TUSC3: variants seen among roughly 807,000 people sequenced by gnomAD.
TUSC3 encodes tumor suppressor candidate 3.
Under a neutral mutation model 44.8 loss-of-function variants are expected in TUSC3, and 45 were observed. That is an observed-to-expected ratio of 1.00 (90% CI 0.79 to 1.29). The LOEUF is 1.29. Ranked by LOEUF, TUSC3 falls within the 50% of genes most tolerant of loss-of-function variation. The pLI is 0.00. For missense variants in TUSC3, 519 were observed against 437.9 expected, an observed-to-expected ratio of 1.19 and a Z score of -1.65; for synonymous variants, 212 against 152.9, an observed-to-expected ratio of 1.39 and a Z score of -2.85.
the TUSC3 span, among the ~76,000 whole-genome samples, chr8:15,834,788 A>G: frequency 2.6e-5 from 4 of 152,282 alleles, no homozygotes; most frequent in African/African-American, 9.6e-5. Context: ...TTTGTATGCT[A>G]CCATTTACAT....
rs529855772 is a variant in TUSC3, at chr8:15,451,050, C to T, written n.92-32336C>T. Among the ~76,000 whole-genome samples, 20 of 152,238 alleles carry T rather than the reference C, an allele frequency of 1.3e-4. No homozygotes were observed. In the East Asian group the frequency reaches 3.9e-3, roughly 30 times the overall value. On this transcript the variant is annotated intron_variant and non_coding_transcript_variant, in intron 1 of 5. Transcript: ENST00000503191. The stretch of plus-strand genomic sequence containing the variant: ...CTTCACAAACCTTTTTCCTGAACAT[C>T]ACTAGCTTTGGGTTCAAAATCTAAT...
rs571870667 is a variant in TUSC3 at position 15,582,614 on chromosome 8, C to A, written c.139-40466C>A. Among the ~76,000 whole-genome samples, 14 of 152,314 alleles carry A rather than the reference C, an allele frequency of 9.2e-5. No homozygotes were observed. The East Asian group carries it at 2.7e-3, about 29-fold the overall frequency. On this transcript the variant is annotated intron_variant, in intron 1 of 10. Coordinates refer to ENST00000503731, the MANE Select transcript of TUSC3 (RefSeq NM_006765.4). ...CATACAAATTGGGTCAATCTTGGCA[C>A]ACCCAGCTAAAACAGAGTCAAGAGG...
At chr8:15,822,147 G>T in the TUSC3 span, among the ~76,000 whole-genome samples, 5 of 151,756 alleles carry the variant, frequency 3.3e-5, no homozygotes, top group African/African-American at 1.2e-4. Flanking sequence ...AGGAAGGAAG[G>T]TTTAGTCATT....
chr8:15,616,899 C>T (rs1805009289), intron 1 of TUSC3, among the ~76,000 whole-genome samples: 1 of 152,068 alleles, frequency 6.6e-6, no homozygotes. Context: ...CTGCAGTTGG[C>T]ACAGAATCTG....
At chr8:15,462,885 T>A (rs1800364715) in intron 1 of TUSC3, among the ~76,000 whole-genome samples, 1 of 152,104 alleles carries the variant, frequency 6.6e-6, no homozygotes, top group African/African-American at 2.4e-5. Flanking sequence ...GAGAATTTAC[T>A]CTTTTATAGC....
At chr8:15,641,996 C>T (rs1055589786) in intron 2 of TUSC3, among the ~76,000 whole-genome samples, 1 of 152,164 alleles carries the variant, frequency 6.6e-6, no homozygotes, top group Admixed American at 6.5e-5. Flanking sequence ...AAATTGTACC[C>T]ATTATATACA....
intron 1 of TUSC3, among the ~76,000 whole-genome samples, chr8:15,620,767 G>A (rs1449607949): frequency 6.6e-6 from 1 of 152,114 alleles, no homozygotes; most frequent in Non-Finnish European, 1.5e-5. Context: ...GGGAAGCATG[G>A]GAAATAGGAG....
intron 1 of TUSC3, among the ~76,000 whole-genome samples, chr8:15,556,465 C>A (rs573743786): frequency 6.6e-6 from 1 of 151,456 alleles, no homozygotes; most frequent in Non-Finnish European, 1.5e-5. Flanking sequence ...AGTAAACATA[C>A]GTGTGCATGT....
At chr8:15,824,829 G>C in the TUSC3 span, among the ~76,000 whole-genome samples, 3 of 152,158 alleles carry the variant, frequency 2.0e-5, no homozygotes, top group Middle Eastern at 3.4e-3. Context: ...ACAAATTTAA[G>C]CCAACCTGTC....
intron 5 of TUSC3, among the ~76,000 whole-genome samples, chr8:15,667,723 A>G (rs1325835139): frequency 6.6e-6 from 1 of 151,746 alleles, no homozygotes; most frequent in Non-Finnish European, 1.5e-5. Flanking sequence ...AATCTATGAA[A>G]TAATTATGAA....
the TUSC3 span, among the ~76,000 whole-genome samples, chr8:15,845,665 G>T: frequency 2.6e-5 from 4 of 152,122 alleles, no homozygotes; most frequent in African/African-American, 4.8e-5. Flanking sequence ...TTATTTGCAG[G>T]GTGGGGGCAG....
At chr8:15,419,547 T>C (rs1017314739) in intron 1 of TUSC3, among the ~76,000 whole-genome samples, 1 of 152,166 alleles carries the variant, frequency 6.6e-6, no homozygotes, top group African/African-American at 2.4e-5. Flanking sequence ...AGCAATAAAA[T>C]TCCTCCTTTT....
chr8:15,692,017 G>A (rs1375277738), intron 6 of TUSC3, among the ~76,000 whole-genome samples: 2 of 152,108 alleles, frequency 1.3e-5, no homozygotes, highest in East Asian at 1.9e-4. Context: ...TTGGCCTCAA[G>A]TGATCCACCC....
At chr8:15,706,608 G>T (rs1036322586) in intron 6 of TUSC3, among the ~76,000 whole-genome samples, 3 of 151,970 alleles carry the variant, frequency 2.0e-5, no homozygotes, top group East Asian at 1.9e-4. Context: ...AAAGATAACA[G>T]TATTATCAAT....
intron 8 of TUSC3, among the ~76,000 whole-genome samples, chr8:15,746,766 AAAAG>A (rs1421862230): frequency 2.0e-5 from 3 of 152,152 alleles, no homozygotes; most frequent in South Asian, 2.1e-4. Context: ...GAAGGAAAAG[AAAAG>A]AAAGACGTGT....
intron 2 of TUSC3, among the ~76,000 whole-genome samples, chr8:15,524,786 T>C (rs1308292506): frequency 6.6e-6 from 1 of 151,932 alleles, no homozygotes; most frequent in Non-Finnish European, 1.5e-5. Flanking sequence ...GCAGACACCC[T>C]ATAATATGTG....
intron 1 of TUSC3, among the ~76,000 whole-genome samples, chr8:15,604,350 G>T (rs570055415): frequency 3.3e-5 from 5 of 151,552 alleles, no homozygotes; most frequent in African/African-American, 1.2e-4. Context: ...AATTATTTAT[G>T]TTAGGAAATA....
At chr8:15,453,744 G>C (rs577540406) in intron 1 of TUSC3, among the ~76,000 whole-genome samples, 25 of 152,284 alleles carry the variant, frequency 1.6e-4, no homozygotes, top group African/African-American at 5.8e-4. Flanking sequence ...CAGGTAGTCA[G>C]ACAGAGCAGG....
the TUSC3 span, among the ~76,000 whole-genome samples, chr8:15,785,245 C>T: frequency 6.6e-6 from 1 of 151,918 alleles, no homozygotes; most frequent in Non-Finnish European, 1.5e-5. Flanking sequence ...GATCTGTTAC[C>T]TATATAGAAA....
Sources: gnomAD v4.1 joint callset for allele counts (sites outside exome capture counted in the v4.1 genomes callset) on GRCh38, gnomAD v4.1.1 for gene constraint, MANE v1.5 for transcripts, NCBI Gene and HGNC (gene_info 2026-07-23, HGNC 2026-07-21) for gene names.